The following USP25 variants were observed in gnomAD, a reference collection of about 807,000 sequenced individuals.
USP25 encodes the protein ubiquitin carboxyl-terminal hydrolase 25.
In USP25, 85 loss-of-function variants were observed where a neutral mutation model predicts 158.5. The observed-to-expected ratio is 0.54, with a 90% CI of 0.45 to 0.64. The LOEUF (loss-of-function observed/expected upper bound fraction) is 0.64, where lower values mean the gene tolerates loss of function less well. USP25 is among the 30% of genes least tolerant of loss of function. The pLI is 0.00. For synonymous variants in USP25, 464 were observed against 460.4 expected, an observed-to-expected ratio of 1.01 and a Z score of -0.10; for missense variants, 1,242 against 1,327.3, an observed-to-expected ratio of 0.94 and a Z score of 1.00.
At position 15,826,198 on chromosome 21, in the gene USP25, T is replaced by G. The variant is rs955542007; in HGVS notation, c.1305-6T>G. 1.4e-5 allele frequency: 23 copies of G among 1,613,414 alleles called. No individual in the cohort carries two copies. The highest frequency in any genetic ancestry group is 1.7e-5 in the Non-Finnish European group (20 of 1,179,662). The stretch of plus-strand genomic sequence containing the variant: ...TAAAAGCATTTGTACATTTTATGAT[T>G]AACAGATATTTAAGCTATGGTTCCG... On this transcript the variant is annotated splice_region_variant and splice_polypyrimidine_tract_variant and intron_variant, in intron 12 of 25. Transcript: ENST00000400183. This position sits in a 1 kb window ranked among gnomAD's most constrained non-coding sequence, Gnocchi z 4.8.
chr21:15,731,815 T>C (rs2030939311), intron 1 of USP25, among the ~76,000 whole-genome samples: 1 of 152,210 alleles, frequency 6.6e-6, no homozygotes, highest in African/African-American at 2.4e-5. Flanking sequence ...ACCTTCAAGT[T>C]CAATTTTTAA....
rs78903260 is a variant in USP25 at position 15,773,862 on chromosome 21, A to G, written c.269-4042A>G. Among the ~76,000 whole-genome samples, 1,436 of 152,328 alleles carry G rather than the reference A, an allele frequency of 9.4e-3. 19 individuals are homozygous for G. The highest frequency in any genetic ancestry group is 0.033 in the African/African-American group (1,367 of 41,576). ...ACACATTTGCTGAAACAAAATGGTT[A>G]GAAGATTACGTTGCTTTACATTGTT... On this transcript the variant is annotated intron_variant, in intron 3 of 25. Coordinates refer to ENST00000400183, the MANE Select transcript of USP25 (RefSeq NM_001283041.3).
intron 3 of USP25, among the ~76,000 whole-genome samples, chr21:15,775,918 A>C (rs568739796): frequency 6.6e-6 from 1 of 152,100 alleles, no homozygotes; most frequent in Non-Finnish European, 1.5e-5. Flanking sequence ...TAAGAGAACG[A>C]GTTAATGGAA....
At chr21:15,787,902 A>ACCC (rs5842545) in intron 4 of USP25, among the ~76,000 whole-genome samples, 1,307 of 83,552 alleles carry the variant, frequency 0.016, 21 homozygotes, top group Non-Finnish European at 0.023. Context: ...ACACCCCCTC[A>ACCC]CCCCCCCCCC....
intron 8 of USP25, 151 bp downstream of exon 8, chr21:15,809,036 C>T: frequency 1.8e-6 from 1 of 564,258 alleles, no homozygotes; most frequent in Non-Finnish European, 2.8e-6. Context: ...TTTGCAGGCA[C>T]AAATAATAGT....
rs946208305 is a variant in USP25 at position 15,816,858 on chromosome 21, A to G, written c.932-1840A>G. On this transcript the variant is annotated intron_variant, in intron 9 of 25. Transcript: ENST00000400183. The surrounding 1 kb of genome is among the most constrained non-coding windows in gnomAD (Gnocchi z 4.0). ...ATTTTCAGTCCATAATCTGCCAGGC[A>G]TGATGGTTCATGCCTGTAATCCCAG... Among the ~76,000 whole-genome samples, 1 of 152,286 alleles carries G rather than the reference A, an allele frequency of 6.6e-6. No homozygotes were observed. Among genetic ancestry groups the G allele is most frequent in the Middle Eastern group, 3.4e-3 (1 of 294 alleles).
At chr21:15,770,614 A>C (rs1361262171) in intron 3 of USP25, among the ~76,000 whole-genome samples, 2 of 152,216 alleles carry the variant, frequency 1.3e-5, no homozygotes, top group Non-Finnish European at 2.9e-5. Context: ...TATTATTAAA[A>C]ACAGAACTAG....
intron 20 of USP25, among the ~76,000 whole-genome samples, chr21:15,852,304 A>T (rs1420087626): frequency 6.6e-6 from 1 of 151,954 alleles, no homozygotes; most frequent in African/African-American, 2.4e-5. Context: ...GTGGGAATGT[A>T]CATTAGGAAG....
chr21:15,815,667 C>G (rs1009265535), intron 9 of USP25, among the ~76,000 whole-genome samples: 14 of 152,120 alleles, frequency 9.2e-5, no homozygotes, highest in African/African-American at 3.4e-4. Context: ...CCTGTTTCTC[C>G]CATGTGGAAT....
intron 3 of USP25, among the ~76,000 whole-genome samples, chr21:15,771,829 A>G (rs1258966759): frequency 6.6e-6 from 1 of 151,786 alleles, no homozygotes; most frequent in East Asian, 1.9e-4. Context: ...CAAACTCTTC[A>G]CTACCCAGTT....
rs1300517983 is a variant in USP25 at position 15,875,332 on chromosome 21, T to C, written c.3009+806T>C. 6.6e-6 allele frequency among the ~76,000 whole-genome samples: 1 copy of C among 152,224 alleles called. No homozygotes were observed. Among genetic ancestry groups the C allele is most frequent in the Admixed American group, 6.5e-5 (1 of 15,270 alleles). On this transcript the variant is annotated intron_variant, in intron 24 of 25. Transcript: ENST00000400183. This position sits in a 1 kb window ranked among gnomAD's most constrained non-coding sequence, Gnocchi z 4.7. ...AAACCTTCAAAAAATGGTATAATGTTTCTCATCATTTTTTGTAGTAACCCA... is the reference window on the plus strand; with the variant it reads ...AAACCTTCAAAAAATGGTATAATGTCTCTCATCATTTTTTGTAGTAACCCA...
chr21:15,772,568 AAAGGCT>A (rs2034417348), intron 3 of USP25, among the ~76,000 whole-genome samples: 1 of 152,220 alleles, frequency 6.6e-6, no homozygotes, highest in Admixed American at 6.5e-5. Flanking sequence ...GAAGTTTTAC[AAAGGCT>A]AATTTTCTGT....
In USP25 at chr21:15,878,402, C is replaced by A. The variant is rs1314237901; in HGVS notation, c.3305C>A (p.Ser1102Tyr). Reference protein sequence around the residue: ...FHEPPKLPSYSTHELCERFAR... With the variant: ...FHEPPKLPSYYTHELCERFAR... ...GAGCCACCGAAGTTACCTTCATATT[C>A]CACGCATGAACTCTGTGAGCGATTT... Residue 1102 changes from serine (S) to tyrosine (Y), a missense_variant, in exon 26 of 26, where the codon TCC becomes TAC. Ser to Tyr is a moderately radical substitution (Grantham distance 144). Transcript: ENST00000400183. The A allele has an allele frequency of 6.2e-7, 1 of 1,614,066 alleles. No homozygotes were observed. The highest frequency in any genetic ancestry group is 1.1e-5 in the South Asian group (1 of 91,070).
chr21:15,822,596 A>G (rs144598929), intron 10 of USP25, among the ~76,000 whole-genome samples: 359 of 152,072 alleles, frequency 2.4e-3, no homozygotes, highest in African/African-American at 8.2e-3. Context: ...CTTGAAATCT[A>G]CTTTCTTGTT....
At chr21:15,854,536 A>G (rs1022609629) in intron 20 of USP25, among the ~76,000 whole-genome samples, 3 of 152,116 alleles carry the variant, frequency 2.0e-5, no homozygotes, top group Non-Finnish European at 2.9e-5. Flanking sequence ...TTGGCTATGA[A>G]AGAAAGCTTT....
chr21:15,855,203 G>C (rs1366642448), intron 20 of USP25, among the ~76,000 whole-genome samples: 1 of 151,844 alleles, frequency 6.6e-6, no homozygotes, highest in Non-Finnish European at 1.5e-5. Context: ...AGTACCCTTA[G>C]GGTTTTATTG....
At chr21:15,815,520 A>T (rs2036894574) in intron 9 of USP25, among the ~76,000 whole-genome samples, 1 of 152,180 alleles carries the variant, frequency 6.6e-6, no homozygotes. Context: ...ACAGGGGCGG[A>T]GCTGCCCAGG....
rs530604058 is a variant in USP25, at chr21:15,847,721, T to C, written c.2396T>C (p.Ile799Thr). 5.8e-6 allele frequency: 9 copies of C among 1,550,202 alleles called. No individual in the cohort carries two copies. In the South Asian group the frequency reaches 9.5e-5, roughly 16 times the overall value. The change falls in exon 19 of 26, where the codon ATC becomes ACC. Residue 799 changes from isoleucine (I) to threonine (T), a missense_variant. Ile to Thr is a moderately conservative substitution (Grantham distance 89). This residue lies in a region of USP25 where 608 missense variants were observed against 605.2 expected (regional missense o/e 1.00). Coordinates refer to ENST00000400183, the MANE Select transcript of USP25 (RefSeq NM_001283041.3). Reference protein sequence around the residue: ...LSNQRVVEVAIPHVGKFMIES... With the variant: ...LSNQRVVEVATPHVGKFMIES... Reference sequence around the variant, plus strand: ...AATCAGCGAGTTGTAGAGGTGGCGATCCCTCATGTAGGGAAATTTATGATT... The same window carrying C: ...AATCAGCGAGTTGTAGAGGTGGCGACCCCTCATGTAGGGAAATTTATGATT...
At chr21:15,842,638 G>T in intron 18 of USP25, 98 bp downstream of exon 18, 1 of 1,453,002 alleles carries the variant, frequency 6.9e-7, no homozygotes. Flanking sequence ...GGAGAGACGG[G>T]GCCCAGTGAT....
Sources: gnomAD v4.1 joint callset for allele counts (sites outside exome capture counted in the v4.1 genomes callset) on GRCh38, gnomAD v4.1.1 for gene constraint, gnomAD v4.1.1 regional missense constraint, Gnocchi (gnomAD v3.1) non-coding constraint, MANE v1.5 for transcripts, NCBI Gene and HGNC (gene_info 2026-07-23, HGNC 2026-07-21) for gene names.